The following SMYD3 variants were observed in gnomAD, a reference collection of about 807,000 sequenced individuals.
SMYD3 encodes histone-lysine N-methyltransferase SMYD3.
A neutral mutation model predicts 57.7 loss-of-function variants in SMYD3; 36 were observed. The observed-to-expected ratio is 0.62, with a 90% confidence interval of 0.48 to 0.82. SMYD3 has a LOEUF of 0.82. Among genes scored for constraint, SMYD3 ranks in the 40% least tolerant of loss-of-function variants. SMYD3 has a pLI of 0.00. For missense variants in SMYD3, 515 were observed against 538.8 expected, an observed-to-expected ratio of 0.96 and a Z score of 0.44; for synonymous variants, 211 against 195.0, an observed-to-expected ratio of 1.08 and a Z score of -0.68.
intron 10 of SMYD3, among the ~76,000 whole-genome samples, chr1:245,793,326 A>G (rs940406001): frequency 6.6e-6 from 1 of 151,964 alleles, no homozygotes; most frequent in Admixed American, 6.6e-5. Flanking sequence ...AAAAAAAGAA[A>G]TATCTTCCAT....
intron 5 of SMYD3, among the ~76,000 whole-genome samples, chr1:246,048,446 T>C (rs2060007295): frequency 1.3e-5 from 2 of 152,316 alleles, no homozygotes; most frequent in Non-Finnish European, 2.9e-5. Flanking sequence ...CTATCGCATA[T>C]TTTAGTGACA....
At chr1:246,356,591 T>TA (rs1355111038) in intron 1 of SMYD3, among the ~76,000 whole-genome samples, 1 of 151,940 alleles carries the variant, frequency 6.6e-6, no homozygotes, top group Non-Finnish European at 1.5e-5. Context: ...ATAGCATAAA[T>TA]AAAAAATGAT....
intron 1 of SMYD3, among the ~76,000 whole-genome samples, chr1:246,448,288 C>T (rs2067577258): frequency 6.6e-6 from 1 of 152,178 alleles, no homozygotes; most frequent in Non-Finnish European, 1.5e-5. Context: ...CTGGAGACCA[C>T]GCTTTGAGAA....
chr1:245,775,521 G>C (rs574306255), intron 10 of SMYD3, among the ~76,000 whole-genome samples: 38 of 150,822 alleles, frequency 2.5e-4, no homozygotes, highest in South Asian at 6.4e-4. Flanking sequence ...CAGCAGGCTC[G>C]TTAAGAGTCA....
At chr1:246,274,176 T>A (rs942226092) in intron 5 of SMYD3, among the ~76,000 whole-genome samples, 2 of 152,230 alleles carry the variant, frequency 1.3e-5, no homozygotes, top group African/African-American at 4.8e-5. Context: ...AAGCATATTA[T>A]TCTTTCCTTT....
At chr1:245,822,672 C>T (rs937088665) in intron 10 of SMYD3, among the ~76,000 whole-genome samples, 5 of 152,112 alleles carry the variant, frequency 3.3e-5, no homozygotes, top group East Asian at 3.9e-4. Context: ...TAACTTCCTC[C>T]GCTGAGGGTG....
At chr1:246,147,109 C>G (rs1396486190) in intron 5 of SMYD3, among the ~76,000 whole-genome samples, 4 of 152,108 alleles carry the variant, frequency 2.6e-5, no homozygotes, top group African/African-American at 9.7e-5. Flanking sequence ...TGCTTCCATC[C>G]GAGTCCATAT....
intron 5 of SMYD3, among the ~76,000 whole-genome samples, chr1:246,231,548 C>T (rs1394333874): frequency 6.6e-6 from 1 of 152,292 alleles, no homozygotes; most frequent in African/African-American, 2.4e-5. Flanking sequence ...TGTACACACA[C>T]ATTCCAATTG....
intron 8 of SMYD3, among the ~76,000 whole-genome samples, chr1:245,865,738 A>G (rs761228668): frequency 4.6e-5 from 7 of 152,228 alleles, no homozygotes; most frequent in Non-Finnish European, 8.8e-5. Context: ...CCTCAGCTGC[A>G]GCAGCCACAT....
At chr1:246,117,948 G>A (rs980340510) in intron 5 of SMYD3, among the ~76,000 whole-genome samples, 5 of 152,002 alleles carry the variant, frequency 3.3e-5, no homozygotes, top group Admixed American at 3.3e-4. Context: ...ACAATATCAC[G>A]ATCATCACAC....
chr1:245,846,958 C>A (rs1250473685), intron 10 of SMYD3, among the ~76,000 whole-genome samples: 2 of 152,264 alleles, frequency 1.3e-5, no homozygotes, highest in Middle Eastern at 3.4e-3. Context: ...CAATTTCCAT[C>A]ATCTGTTTCC....
intron 10 of SMYD3, among the ~76,000 whole-genome samples, chr1:245,794,471 C>T (rs560647195): frequency 6.6e-6 from 1 of 152,288 alleles, no homozygotes; most frequent in East Asian, 1.9e-4. Flanking sequence ...TCTCTGCCAG[C>T]GATGTTCTGA....
chr1:246,049,315 G>A (rs111835462), intron 5 of SMYD3, among the ~76,000 whole-genome samples: 5,543 of 151,268 alleles, frequency 0.037, 334 homozygotes, highest in African/African-American at 0.13. Context: ...TGTTTGTTTT[G>A]AGATGGAGTC....
intron 5 of SMYD3, among the ~76,000 whole-genome samples, chr1:246,316,467 C>T (rs1385204696): frequency 1.3e-5 from 2 of 150,412 alleles, no homozygotes; most frequent in African/African-American, 2.4e-5. Flanking sequence ...TCAAGGGAGT[C>T]TCATGCCTCA....
intron 1 of SMYD3, among the ~76,000 whole-genome samples, chr1:246,445,946 A>C (rs2067546046): frequency 6.6e-6 from 1 of 152,228 alleles, no homozygotes; most frequent in African/African-American, 2.4e-5. Context: ...GATAAGACTG[A>C]AAACCATATG....
At chr1:245,870,459 C>T (rs2052121991) in intron 8 of SMYD3, among the ~76,000 whole-genome samples, 1 of 152,164 alleles carries the variant, frequency 6.6e-6, no homozygotes, top group Non-Finnish European at 1.5e-5. Flanking sequence ...CCTCAAACAC[C>T]ATCCTGAGAT....
chr1:246,022,074 C>T (rs547562033), intron 5 of SMYD3, among the ~76,000 whole-genome samples: 5 of 152,272 alleles, frequency 3.3e-5, no homozygotes, highest in Admixed American at 3.3e-4. Context: ...GACTGTGGTC[C>T]TTCGTTAAAC....
intron 1 of SMYD3, among the ~76,000 whole-genome samples, chr1:246,406,665 C>T (rs1381513657): frequency 2.0e-5 from 3 of 152,202 alleles, no homozygotes; most frequent in Non-Finnish European, 4.4e-5. Context: ...AAGGTAGATA[C>T]TCAATGTGCC....
intron 8 of SMYD3, among the ~76,000 whole-genome samples, chr1:245,891,695 G>GGA (rs1418910117): frequency 2.0e-5 from 3 of 152,028 alleles, no homozygotes; most frequent in Non-Finnish European, 4.4e-5. Flanking sequence ...ACTTCTGGAA[G>GGA]GAGAGCCCAG....
Sources: allele counts gnomAD v4.1 joint callset (sites outside exome capture counted in the v4.1 genomes callset), GRCh38; gene constraint gnomAD v4.1.1; transcripts MANE v1.5; gene names NCBI Gene and HGNC (gene_info 2026-07-23, HGNC 2026-07-21).